RAP1A: variants seen among roughly 807,000 people sequenced by gnomAD.
The protein encoded by RAP1A is RAP1A, member of RAS oncogene family.
A neutral mutation model predicts 26.4 loss-of-function variants in RAP1A; 6 were observed. The observed-to-expected ratio is 0.23, with a 90% CI of 0.12 to 0.45. The LOEUF (loss-of-function observed/expected upper bound fraction) is 0.45, where lower values mean the gene tolerates loss of function less well. Ranked by LOEUF, RAP1A falls within the 20% of genes least tolerant of loss-of-function variation. RAP1A has a pLI of 0.99. For missense variants in RAP1A, 121 were observed against 217.2 expected (o/e 0.56, Z 2.78); for synonymous variants, 73 against 79.4 (o/e 0.92, Z 0.43).
At chr1:111,574,315 T>C (rs1658106247) in intron 1 of RAP1A, among the ~76,000 whole-genome samples, 1 of 152,326 alleles carries the variant, frequency 6.6e-6, no homozygotes, top group Admixed American at 6.5e-5. Flanking sequence ...CATTGGTCCA[T>C]GTGTCTGTTT....
chr1:111,703,109 A>T (rs1255832678), intron 4 of RAP1A, among the ~76,000 whole-genome samples: 1 of 152,184 alleles, frequency 6.6e-6, no homozygotes, highest in Non-Finnish European at 1.5e-5. Flanking sequence ...TACAGCTCTA[A>T]ATCACACAAA....
At chr1:111,569,538 A>G (rs945489965) in intron 1 of RAP1A, among the ~76,000 whole-genome samples, 1 of 152,034 alleles carries the variant, frequency 6.6e-6, no homozygotes, top group Admixed American at 6.6e-5. Context: ...GTCCCAGGCA[A>G]ATCAAGTTCT....
chr1:111,603,558 T>C (rs544356508), intron 1 of RAP1A, among the ~76,000 whole-genome samples: 2 of 152,336 alleles, frequency 1.3e-5, no homozygotes, highest in East Asian at 3.9e-4. Context: ...AATTGAACTT[T>C]CATTTTTGTC....
intron 1 of RAP1A, among the ~76,000 whole-genome samples, chr1:111,554,357 T>A (rs1657393916): frequency 6.6e-6 from 1 of 152,234 alleles, no homozygotes; most frequent in Admixed American, 6.5e-5. Context: ...TAAAAACATC[T>A]TTTGTTTGAC....
chr1:111,676,253 G>C (rs1166547662), intron 1 of RAP1A, among the ~76,000 whole-genome samples: 1 of 152,196 alleles, frequency 6.6e-6, no homozygotes, highest in Non-Finnish European at 1.5e-5. Flanking sequence ...CTACTTGAGA[G>C]AGTGAGGCAG....
chr1:111,583,407 G>A (rs1658298727), intron 1 of RAP1A, among the ~76,000 whole-genome samples: 1 of 150,986 alleles, frequency 6.6e-6, no homozygotes, highest in Non-Finnish European at 1.5e-5. Context: ...GGAGTTCAAG[G>A]CTGCAGTGAG....
intron 1 of RAP1A, among the ~76,000 whole-genome samples, chr1:111,543,522 A>G (rs770332157): frequency 6.6e-6 from 1 of 152,158 alleles, no homozygotes; most frequent in African/African-American, 2.4e-5. Context: ...ATGTTAACAC[A>G]ATCCTTTCTG....
intron 1 of RAP1A, among the ~76,000 whole-genome samples, chr1:111,560,645 C>T (rs1382925066): frequency 6.6e-6 from 1 of 151,998 alleles, no homozygotes; most frequent in Non-Finnish European, 1.5e-5. Context: ...TGCCTCACCA[C>T]ATCCAGCTAA....
At chr1:111,681,120 A>C (rs1169628630) in intron 1 of RAP1A, among the ~76,000 whole-genome samples, 1 of 152,038 alleles carries the variant, frequency 6.6e-6, no homozygotes, top group Non-Finnish European at 1.5e-5. Context: ...TGCATTTATA[A>C]TGGTTGGTGC....
chr1:111,584,710 A>C (rs1397074700), intron 1 of RAP1A, among the ~76,000 whole-genome samples: 3 of 152,178 alleles, frequency 2.0e-5, no homozygotes, highest in Non-Finnish European at 4.4e-5. Flanking sequence ...TCTCTAGAGA[A>C]ATTCATATAT....
At position 111,691,428 on chromosome 1, in the gene RAP1A, C is replaced by A; in HGVS notation, c.57+11C>A. ...GGGAAGTCTGCTCTGGTAAGTTAGC[C>A]ACCTAACTGTAACTGATTAATATAA... is the stretch of plus-strand genomic sequence containing the variant. On this transcript the variant is annotated intron_variant, in intron 2 of 7. Transcript: ENST00000369709. The A allele has an allele frequency of 6.2e-7, 1 of 1,600,916 alleles. No homozygotes were observed. Among genetic ancestry groups the A allele is most frequent in the Non-Finnish European group, 8.6e-7 (1 of 1,168,102 alleles).
chr1:111,703,938 A>G (rs774130058), intron 5 of RAP1A, among the ~76,000 whole-genome samples: 5 of 152,158 alleles, frequency 3.3e-5, no homozygotes, highest in African/African-American at 4.8e-5. Flanking sequence ...AGTTGGGACT[A>G]CAGGTGTGTG....
At position 111,657,479 on chromosome 1, in the gene RAP1A, A is replaced by AT. The variant is rs367925779; in HGVS notation, c.-27-33848dup. Among the ~76,000 whole-genome samples the AT allele has an allele frequency of 8.2e-4, 124 of 152,070 alleles. 1 individual carries two copies. Among genetic ancestry groups the AT allele is most frequent in the Non-Finnish European group, 1.3e-3 (91 of 67,962 alleles). On this transcript the variant is annotated intron_variant, in intron 1 of 7. Transcript: ENST00000369709. The stretch of plus-strand genomic sequence containing the variant: ...ACTCAACCTGTAGTCCAATTTATCT[A>AT]TTTTTTTCTTTTGTTGCCTGTGCTT...
Position 111,642,076 on chromosome 1 carries a change from C to T in RAP1A, c.-28+22142C>T, listed in dbSNP as rs13376228. Among the ~76,000 whole-genome samples, 1,052 of 152,262 alleles carry T rather than the reference C, an allele frequency of 6.9e-3. 9 individuals are homozygous for T. Among genetic ancestry groups the T allele is most frequent in the African/African-American group, 0.024 (1,013 of 41,548 alleles). The stretch of plus-strand genomic sequence containing the variant: ...CCTAACCAACATGAAGAAACCCTGT[C>T]TCTACTAAAAATACAACAGTTAGCC... On this transcript the variant is annotated intron_variant, in intron 1 of 7. Transcript: ENST00000369709.
chr1:111,661,167 C>T (rs969342105), intron 1 of RAP1A, among the ~76,000 whole-genome samples: 1 of 152,138 alleles, frequency 6.6e-6, no homozygotes, highest in East Asian at 1.9e-4. Flanking sequence ...ACTGTGCAGA[C>T]CCTTGTAAGC....
intron 1 of RAP1A, among the ~76,000 whole-genome samples, chr1:111,657,650 C>G (rs569421292): frequency 7.9e-5 from 12 of 152,230 alleles, no homozygotes; most frequent in African/African-American, 2.9e-4. Flanking sequence ...TGGGGCCCAA[C>G]TCTTCATTCT....
At chr1:111,580,147 T>C (rs1023414178) in intron 1 of RAP1A, among the ~76,000 whole-genome samples, 2 of 152,212 alleles carry the variant, frequency 1.3e-5, no homozygotes, top group Non-Finnish European at 2.9e-5. Flanking sequence ...AATAGTTGTA[T>C]GCGTACTCAA....
upstream of RAP1A, among the ~76,000 whole-genome samples, chr1:111,616,197 G>T (rs1445493482): frequency 2.6e-5 from 4 of 152,216 alleles, no homozygotes; most frequent in Non-Finnish European, 5.9e-5. Flanking sequence ...TGAAAGGAAA[G>T]GGCAGGGAAA....
chr1:111,617,572 A>G (rs965439364), upstream of RAP1A, among the ~76,000 whole-genome samples: 21 of 151,994 alleles, frequency 1.4e-4, no homozygotes, highest in Admixed American at 1.2e-3. Flanking sequence ...AGCTGGGACT[A>G]CAGGCGCCTG....
Sources: allele counts gnomAD v4.1 joint callset (sites outside exome capture counted in the v4.1 genomes callset), GRCh38; gene constraint gnomAD v4.1.1; transcripts MANE v1.5; gene names NCBI Gene and HGNC (gene_info 2026-07-23, HGNC 2026-07-21).